The following ANKFN1 variants were observed in gnomAD, a reference collection of about 807,000 sequenced individuals.
ANKFN1 encodes ankyrin repeat and fibronectin type III domain containing 1, also known as ankyrin repeat and fibronectin type-III domain-containing protein 1.
A neutral mutation model predicts 108.7 loss-of-function variants in ANKFN1; 74 were observed. The observed-to-expected ratio is 0.68, with a 90% confidence interval of 0.56 to 0.83. The LOEUF is 0.83. ANKFN1 is among the 40% of genes least tolerant of loss of function. ANKFN1 has a pLI of 0.00. For synonymous variants in ANKFN1, 547 were observed against 516.2 expected, an observed-to-expected ratio of 1.06 and a Z score of -0.81; for missense variants, 1,505 against 1,382.3, an observed-to-expected ratio of 1.09 and a Z score of -1.41.
chr17:56,073,239 G>A (rs1052653724), intron 4 of ANKFN1, among the ~76,000 whole-genome samples: 3 of 152,086 alleles, frequency 2.0e-5, no homozygotes, highest in Non-Finnish European at 2.9e-5. Context: ...TGATCCGCCC[G>A]CCTCGGCCTC....
At chr17:56,413,439 G>T (rs1336010400) in intron 8 of ANKFN1, among the ~76,000 whole-genome samples, 1 of 152,082 alleles carries the variant, frequency 6.6e-6, no homozygotes, top group African/African-American at 2.4e-5. Flanking sequence ...TGATTGCCCT[G>T]GCCAGGATTT....
At chr17:56,270,607 C>A (rs1233914849) in intron 3 of ANKFN1, among the ~76,000 whole-genome samples, 1 of 152,164 alleles carries the variant, frequency 6.6e-6, no homozygotes, top group Non-Finnish European at 1.5e-5. Flanking sequence ...TGGCTTATGG[C>A]TTCCTGGAGC....
chr17:56,309,776 C>T (rs546024650), intron 3 of ANKFN1, among the ~76,000 whole-genome samples: 1 of 152,094 alleles, frequency 6.6e-6, no homozygotes, highest in Admixed American at 6.5e-5. Context: ...ACAACAATAA[C>T]TAATAATAAA....
At chr17:56,260,905 C>T (rs1174794433) in intron 3 of ANKFN1, among the ~76,000 whole-genome samples, 1 of 152,204 alleles carries the variant, frequency 6.6e-6, no homozygotes, top group Non-Finnish European at 1.5e-5. Flanking sequence ...TCCCAAATGA[C>T]AGAGAGAGTT....
At chr17:56,320,680 G>A (rs1269385653) in intron 3 of ANKFN1, among the ~76,000 whole-genome samples, 2 of 152,150 alleles carry the variant, frequency 1.3e-5, no homozygotes, top group Non-Finnish European at 2.9e-5. Flanking sequence ...CATGGACTCC[G>A]ATTATCACGT....
Position 56,477,312 on chromosome 17 carries a change from G to A in ANKFN1, c.1774-176G>A, listed in dbSNP as rs570344207. 5.9e-5 allele frequency among the ~76,000 whole-genome samples: 9 copies of A among 152,288 alleles called. No homozygotes were observed. The East Asian group carries it at 1.7e-3, about 29-fold the overall frequency. On this transcript the variant is annotated intron_variant, in intron 15 of 20. Coordinates refer to ENST00000682825, the MANE Select transcript of ANKFN1 (RefSeq NM_001370326.1). Reference sequence around the variant, plus strand: ...TGGCCAAGAATTCTGCTGAAGGTAAGAGTAGCTGTACCACTATTTCCCCAG... The same window carrying A: ...TGGCCAAGAATTCTGCTGAAGGTAAAAGTAGCTGTACCACTATTTCCCCAG...
At chr17:56,204,902 C>T (rs1196397070) in intron 1 of ANKFN1, among the ~76,000 whole-genome samples, 2 of 151,904 alleles carry the variant, frequency 1.3e-5, no homozygotes, top group Admixed American at 1.3e-4. Flanking sequence ...GGTGAAACCC[C>T]GTCTCTACTA....
At chr17:56,388,835 A>T (rs745973405) in intron 8 of ANKFN1, among the ~76,000 whole-genome samples, 58 of 152,184 alleles carry the variant, frequency 3.8e-4, no homozygotes, top group Non-Finnish European at 6.6e-4. Context: ...CATTAGGGAA[A>T]TGCAAATTAA....
At chr17:56,124,756 T>C (rs2143313652) in intron 4 of ANKFN1, among the ~76,000 whole-genome samples, 1 of 152,360 alleles carries the variant, frequency 6.6e-6, no homozygotes, top group East Asian at 1.9e-4. Context: ...TGGAATATTC[T>C]AGAGTAACAG....
intron 4 of ANKFN1, among the ~76,000 whole-genome samples, chr17:56,119,385 G>A (rs927320021): frequency 1.4e-4 from 21 of 152,180 alleles, no homozygotes; most frequent in African/African-American, 4.6e-4. Context: ...GCCCAGAAGG[G>A]TGAAGATGCT....
chr17:56,194,384 T>C (rs1913300907), intron 1 of ANKFN1, among the ~76,000 whole-genome samples: 1 of 152,018 alleles, frequency 6.6e-6, no homozygotes. Context: ...AGTTTGTGAG[T>C]GGAAAAACTG....
At chr17:56,474,374 A>G (rs751353170) in intron 15 of ANKFN1, among the ~76,000 whole-genome samples, 12 of 152,202 alleles carry the variant, frequency 7.9e-5, no homozygotes, top group Non-Finnish European at 1.6e-4. Context: ...TATTGCTATA[A>G]TAAATTAAGG....
chr17:56,379,893 A>C (rs901827027), intron 8 of ANKFN1, among the ~76,000 whole-genome samples: 3 of 152,266 alleles, frequency 2.0e-5, no homozygotes, highest in Admixed American at 6.5e-5. Flanking sequence ...TTACTATCAT[A>C]ATACCATAAT....
chr17:56,493,163 C>T (rs969875703), intron 19 of ANKFN1, among the ~76,000 whole-genome samples: 3 of 152,126 alleles, frequency 2.0e-5, no homozygotes, highest in Non-Finnish European at 4.4e-5. Flanking sequence ...GGTCTCTGAT[C>T]TTAAGGAGTT....
chr17:56,363,742 C>T (rs9908908), intron 6 of ANKFN1, among the ~76,000 whole-genome samples: 110,668 of 151,996 alleles, frequency 0.73, 40,572 homozygotes, highest in East Asian at 0.96. Flanking sequence ...GAATACTATT[C>T]AGCCTTTAAA....
At chr17:56,142,051 C>A (rs1598133684) in intron 4 of ANKFN1, among the ~76,000 whole-genome samples, 1 of 151,706 alleles carries the variant, frequency 6.6e-6, no homozygotes, top group Non-Finnish European at 1.5e-5. Context: ...CTGCCTCAGC[C>A]TCCCCAGTAG....
intron 2 of ANKFN1, among the ~76,000 whole-genome samples, chr17:56,218,780 A>G (rs1430752896): frequency 6.6e-6 from 1 of 152,202 alleles, no homozygotes; most frequent in Non-Finnish European, 1.5e-5. Flanking sequence ...TTCATACCCA[A>G]TATTAGAATA....
At chr17:56,379,546 T>G (rs2047037939) in intron 8 of ANKFN1, among the ~76,000 whole-genome samples, 2 of 152,244 alleles carry the variant, frequency 1.3e-5, no homozygotes, top group Admixed American at 6.5e-5. Flanking sequence ...TTTGTTTATG[T>G]GCTCTAATAC....
In ANKFN1 at chr17:56,498,914, G is replaced by A; in HGVS notation, c.2460G>A (p.Trp820Ter). 2 of 1,535,616 alleles carry A rather than the reference G, an allele frequency of 1.3e-6. No individual in the cohort carries two copies. Among genetic ancestry groups the A allele is most frequent in the Non-Finnish European group, 8.7e-7 (1 of 1,146,550 alleles). The change falls in exon 20 of 21, where the codon TGG (tryptophan) becomes TGA (stop). Residue 820 changes from tryptophan (W) to a stop codon, truncating the protein, a stop_gained. Coordinates refer to ENST00000682825, the MANE Select transcript of ANKFN1 (RefSeq NM_001370326.1). LOFTEE classifies it high-confidence loss of function. ...QIDEVWREMRWIMDALQYARY... is the reference protein window; with the variant it reads ...QIDEVWREMR ...ATGAAGTCTGGCGTGAAATGAGATGGATCATGGATGCTCTACAGTATGCAA... is the reference window on the plus strand; with the variant it reads ...ATGAAGTCTGGCGTGAAATGAGATGAATCATGGATGCTCTACAGTATGCAA...
Sources: allele counts gnomAD v4.1 joint callset (sites outside exome capture counted in the v4.1 genomes callset), GRCh38; gene constraint gnomAD v4.1.1; transcripts MANE v1.5; gene names NCBI Gene and HGNC (gene_info 2026-07-23, HGNC 2026-07-21).